The following JMJD1C variants were observed in gnomAD, a reference collection of about 807,000 sequenced individuals.
JMJD1C encodes the protein jumonji domain containing 1C.
In JMJD1C, 31 loss-of-function variants were observed where a neutral mutation model predicts 245.3. That is an observed-to-expected ratio of 0.13 (90% CI 0.09 to 0.17). The LOEUF (loss-of-function observed/expected upper bound fraction) is 0.17, where lower values mean the gene tolerates loss of function less well. JMJD1C is among the 10% of genes least tolerant of loss of function. JMJD1C has a pLI of 1.00. For missense variants in JMJD1C, 2,691 were observed against 3,000.2 expected, an observed-to-expected ratio of 0.90 and a Z score of 2.41; for synonymous variants, 1,057 against 1,017.4, an observed-to-expected ratio of 1.04 and a Z score of -0.74.
At chr10:63,184,865 T>A in intron 20 of JMJD1C, 127 bp from the exon 21 acceptor site, 1 of 808,274 alleles carries the variant, frequency 1.2e-6, no homozygotes. Flanking sequence ...CAATTTTCCT[T>A]GACTCAAGTG....
intron 2 of JMJD1C, among the ~76,000 whole-genome samples, chr10:63,346,269 T>C (rs1564814908): frequency 6.6e-6 from 1 of 152,176 alleles, no homozygotes; most frequent in African/African-American, 2.4e-5. Flanking sequence ...TTTCTCTGAG[T>C]AGCTGAGAAG....
At chr10:63,337,618 GAAAAGA>G (rs1564804873) in intron 2 of JMJD1C, among the ~76,000 whole-genome samples, 6,617 of 77,390 alleles carry the variant, frequency 0.086, 679 homozygotes, top group African/African-American at 0.2. Context: ...GAAAAGAAAA[GAAAAGA>G]AAAAGAAAAG....
intron 3 of JMJD1C, among the ~76,000 whole-genome samples, chr10:63,234,183 T>C (rs1019572300): frequency 1.3e-5 from 2 of 152,140 alleles, no homozygotes; most frequent in Non-Finnish European, 2.9e-5. Context: ...ACGAGAAGTC[T>C]AGCATGGGTA....
intron 3 of JMJD1C, among the ~76,000 whole-genome samples, chr10:63,258,705 C>T (rs1404577065): frequency 6.6e-6 from 1 of 152,100 alleles, no homozygotes; most frequent in Admixed American, 6.5e-5. Context: ...CTTTGTATTT[C>T]GGAAGTTTTT....
chr10:63,261,633 A>C (rs1360324350), intron 3 of JMJD1C, among the ~76,000 whole-genome samples: 1 of 152,236 alleles, frequency 6.6e-6, no homozygotes, highest in Non-Finnish European at 1.5e-5. Context: ...TCTGATATTC[A>C]ATACATTCAA....
chr10:63,404,870 G>C (rs185393859), intron 1 of JMJD1C, among the ~76,000 whole-genome samples: 29 of 152,256 alleles, frequency 1.9e-4, no homozygotes, highest in South Asian at 1.0e-3. Context: ...AGCAGTACAT[G>C]GGGTGAAAAG....
chr10:63,183,038 T>C (rs1843678714), intron 22 of JMJD1C, among the ~76,000 whole-genome samples: 1 of 152,118 alleles, frequency 6.6e-6, no homozygotes, highest in Non-Finnish European at 1.5e-5. Flanking sequence ...ATTTTGTATT[T>C]TTAGTAGAGA....
intron 2 of JMJD1C, among the ~76,000 whole-genome samples, chr10:63,368,010 A>G (rs1444732209): frequency 6.6e-6 from 1 of 152,206 alleles, no homozygotes; most frequent in Non-Finnish European, 1.5e-5. Flanking sequence ...TTTATAGGAC[A>G]TGCTAATTGA....
chr10:63,216,959 TAA>T (rs928788837), intron 5 of JMJD1C, among the ~76,000 whole-genome samples: 6 of 152,280 alleles, frequency 3.9e-5, no homozygotes, highest in African/African-American at 1.4e-4. Flanking sequence ...ACTAATCAAT[TAA>T]AAGAGTTTAA....
chr10:63,281,410 C>T lies in JMJD1C; in HGVS notation c.334-16646G>A, dbSNP rs536896586. ...TCCTGACCTTGTGATCTGCCCGTCT[C>T]GGCCTCCCAAAGTGCTATGATTACA... is the stretch of plus-strand genomic sequence containing the variant. On this transcript the variant is annotated intron_variant, in intron 2 of 25. Transcript: ENST00000399262. Among the ~76,000 whole-genome samples, 7 of 146,672 alleles carry T rather than the reference C, an allele frequency of 4.8e-5. No individual in the cohort carries two copies. The South Asian group carries it at 6.5e-4, about 14-fold the overall frequency.
intron 2 of JMJD1C, among the ~76,000 whole-genome samples, chr10:63,295,960 T>TGC (rs1859344358): frequency 9.4e-4 from 5 of 5,310 alleles, no homozygotes; most frequent in African/African-American, 5.1e-3. Flanking sequence ...TACACGTATA[T>TGC]GTGTGTGTGT....
chr10:63,496,051 TAA>T (rs1184553476), intron 1 of JMJD1C, among the ~76,000 whole-genome samples: 2 of 124,442 alleles, frequency 1.6e-5, no homozygotes, highest in Non-Finnish European at 3.5e-5. Flanking sequence ...AAAAAAAAAT[TAA>T]AAAAAAAAAA....
At chr10:63,438,909 C>T (rs1249883907) in intron 1 of JMJD1C, among the ~76,000 whole-genome samples, 2 of 152,180 alleles carry the variant, frequency 1.3e-5, no homozygotes, top group African/African-American at 4.8e-5. Context: ...ATCTTACATA[C>T]CATTCATCAT....
chr10:63,204,411 C>T (rs559251522), intron 10 of JMJD1C: 23 of 984,950 alleles, frequency 2.3e-5, no homozygotes, highest in Middle Eastern at 1.0e-3. Context: ...AAAGAGAATA[C>T]GTATTTCACT....
intron 3 of JMJD1C, among the ~76,000 whole-genome samples, chr10:63,228,587 C>T (rs1849588922): frequency 1.3e-5 from 2 of 152,032 alleles, no homozygotes; most frequent in Admixed American, 6.6e-5. Flanking sequence ...GTACAGTTTG[C>T]CTTTTCCTAA....
chr10:63,186,767 A>G (rs1034697135), intron 18 of JMJD1C, among the ~76,000 whole-genome samples: 3 of 152,218 alleles, frequency 2.0e-5, no homozygotes, highest in African/African-American at 4.8e-5. Context: ...ACTACAATAA[A>G]TGATATAAAA....
intron 2 of JMJD1C, among the ~76,000 whole-genome samples, chr10:63,333,781 A>G (rs1179154286): frequency 6.6e-6 from 1 of 152,208 alleles, no homozygotes; most frequent in East Asian, 1.9e-4. Context: ...TCATTTGAGC[A>G]CTTAAAATTG....
At chr10:63,452,145 T>C (rs1372999045) in intron 1 of JMJD1C, among the ~76,000 whole-genome samples, 3 of 152,142 alleles carry the variant, frequency 2.0e-5, no homozygotes, top group African/African-American at 7.2e-5. Flanking sequence ...TTATCAAGAA[T>C]GTGAAAAGGC....
intron 1 of JMJD1C, among the ~76,000 whole-genome samples, chr10:63,499,969 A>T (rs1246127595): frequency 2.0e-5 from 3 of 152,160 alleles, no homozygotes; most frequent in African/African-American, 7.2e-5. Context: ...CTCTACTAAC[A>T]CTTAGTAGTC....
Sources: allele counts gnomAD v4.1 joint callset (sites outside exome capture counted in the v4.1 genomes callset), GRCh38; gene constraint gnomAD v4.1.1; transcripts MANE v1.5; gene names NCBI Gene and HGNC (gene_info 2026-07-23, HGNC 2026-07-21).